NLRP7: variants seen among roughly 807,000 people sequenced by gnomAD.
NLRP7 encodes the protein NLR family pyrin domain containing 7, also known as NACHT, LRR and PYD domains-containing protein 7.
In NLRP7, 72 loss-of-function variants were observed where a neutral mutation model predicts 85.5. The ratio of observed to expected loss-of-function variants is 0.84; its 90% confidence interval spans 0.70 to 1.02. The LOEUF is 1.02. NLRP7 is among the 50% of genes least tolerant of loss of function. The pLI is 0.00. For synonymous variants in NLRP7, 550 were observed against 505.2 expected (o/e 1.09, Z -1.19); for missense variants, 1,243 against 1,219.5 (o/e 1.02, Z -0.29).
chr19:54,930,520 T>A, exon 9 of NLRP7: 1 of 1,611,272 alleles, frequency 6.2e-7, no homozygotes, highest in Non-Finnish European at 8.5e-7. Flanking sequence ...TAGGTTACAG[T>A]TTGGATTCTC....
intron 1 of NLRP7, among the ~76,000 whole-genome samples, chr19:54,957,273 G>A (rs1012677306): frequency 2.0e-5 from 3 of 151,492 alleles, no homozygotes; most frequent in Non-Finnish European, 2.9e-5. Flanking sequence ...CACCCATTTC[G>A]GTTCCCAAAG....
chr19:54,941,467 T>A, exon 2 of NLRP7: 1 of 1,612,128 alleles, frequency 6.2e-7, no homozygotes, highest in Non-Finnish European at 8.5e-7. Flanking sequence ...CTTACACAAT[T>A]CCGTGAGATT....
chr19:54,935,241 T>C (rs1169233396), intron 6 of NLRP7, among the ~76,000 whole-genome samples: 3 of 152,010 alleles, frequency 2.0e-5, no homozygotes, highest in African/African-American at 4.8e-5. Context: ...AAAAAAATTT[T>C]TTTTTTGAGA....
At chr19:54,955,021 C>G (rs2069805661) in intron 1 of NLRP7, among the ~76,000 whole-genome samples, 1 of 151,200 alleles carries the variant, frequency 6.6e-6, no homozygotes. Flanking sequence ...CTCGTCCTTA[C>G]TTGCTTTTAA....
chr19:54,929,396 G>GT (rs911864738), intron 9 of NLRP7, among the ~76,000 whole-genome samples: 39 of 103,942 alleles, frequency 3.8e-4, no homozygotes, highest in African/African-American at 1.2e-3. Flanking sequence ...GTGTTCTAGT[G>GT]TTTTTTTTCT....
chr19:54,934,744 CTG>C lies in NLRP7; in HGVS notation c.2301-87_2301-86del. 1.7e-6 allele frequency: 2 copies of C among 1,160,528 alleles called. No homozygotes were observed. The highest frequency in any genetic ancestry group is 2.4e-6 in the Non-Finnish European group (2 of 825,972). 71.9% of individuals were successfully genotyped at this position (1,160,528 alleles called of 1,614,324 possible). A position where few individuals can be genotyped will look rare whatever the true frequency, so the allele number is the denominator to read the frequency against. On this transcript the variant is annotated intron_variant, in intron 6 of 9. Coordinates refer to ENST00000340844, the Ensembl canonical transcript of NLRP7. The surrounding 1 kb of genome is among the most constrained non-coding windows in gnomAD (Gnocchi z 6.7). The stretch of plus-strand genomic sequence containing the variant: ...TTTTTTTTTGAGACAGAGTTTCACT[CTG>C]TTGCCCAGTCTGGAATGCAAAGGCG...
intron 1 of NLRP7, among the ~76,000 whole-genome samples, chr19:54,959,097 C>T (rs957108848): frequency 3.3e-5 from 5 of 151,428 alleles, no homozygotes; most frequent in Admixed American, 6.6e-5. Context: ...TGCCTGGCGC[C>T]GGGCTACCTG....
At position 54,934,709 on chromosome 19, in the gene NLRP7, C is replaced by T; in HGVS notation, c.2301-50G>A. On this transcript the variant is annotated intron_variant, in intron 6 of 9. Transcript: ENST00000340844. The surrounding 1 kb of genome is among the most constrained non-coding windows in gnomAD (Gnocchi z 6.7). ...TTCTTCTGGGAGGACAGAGTATACCCTATCAGCTTTTTTTTTTTGAGACAG... is the reference window on the plus strand; with the variant it reads ...TTCTTCTGGGAGGACAGAGTATACCTTATCAGCTTTTTTTTTTTGAGACAG... The T allele has an allele frequency of 6.8e-7, 1 of 1,471,850 alleles. No individual in the cohort carries two copies. The highest frequency in any genetic ancestry group is 2.4e-5 in the East Asian group (1 of 41,840). 91.2% of individuals were successfully genotyped at this position (1,471,850 alleles called of 1,614,324 possible). A position where few individuals can be genotyped will look rare whatever the true frequency, so the allele number is the denominator to read the frequency against.
chr19:54,964,211 G>GTT (rs747785772), intron 1 of NLRP7, among the ~76,000 whole-genome samples: 20 of 52,510 alleles, frequency 3.8e-4, no homozygotes, highest in African/African-American at 1.2e-3. Context: ...TTTATATGGT[G>GTT]TTTTTTTTTT....
chr19:54,955,378 G>A (rs557825906), intron 1 of NLRP7, among the ~76,000 whole-genome samples: 4 of 152,244 alleles, frequency 2.6e-5, no homozygotes, highest in Non-Finnish European at 4.4e-5. Flanking sequence ...TTTAGGAAGA[G>A]CAGCCTTGGG....
chr19:54,939,938 C>T lies in NLRP7; in HGVS notation c.881G>A (p.Arg294Lys), dbSNP rs1467856979. The T allele has an allele frequency of 1.2e-6, 2 of 1,614,020 alleles. No individual in the cohort carries two copies. The highest frequency in any genetic ancestry group is 1.7e-5 in the Admixed American group (1 of 59,972). Residue 294 changes from arginine (R) to lysine (K), a missense_variant, in exon 4 of 10, where the codon AGG becomes AAG. By Grantham distance (26) the Arg-to-Lys change is conservative. Around this residue, in one of 3 missense-constraint regions of NLRP7, gnomAD observed 591 missense variants for 563.3 expected, o/e 1.05. Coordinates refer to ENST00000340844, the Ensembl canonical transcript of NLRP7. ...CCGCGTGGTGACCAGCAAGGCTGCC[C>T]TGGGTAACATCTTCCTCTTCAGCAA...
chr19:54,924,388 C>A (rs2146132631), intron 9 of NLRP7, among the ~76,000 whole-genome samples: 1 of 152,312 alleles, frequency 6.6e-6, no homozygotes, highest in South Asian at 2.1e-4. Context: ...TTTGGGAGGC[C>A]AAGGCAGGCA....
chr19:54,952,078 G>A (rs978663860), upstream of NLRP7, among the ~76,000 whole-genome samples: 6 of 152,094 alleles, frequency 3.9e-5, no homozygotes, highest in Non-Finnish European at 7.4e-5. Context: ...TATCTGCACG[G>A]TTCCTACAGA....
chr19:54,925,938 T>G (rs2068414052), intron 9 of NLRP7, among the ~76,000 whole-genome samples: 1 of 150,702 alleles, frequency 6.6e-6, no homozygotes, highest in African/African-American at 2.4e-5. Context: ...AGGTGGAGCT[T>G]GCAGTGAGCC....
chr19:54,947,747 G>T, upstream of NLRP7: 1 of 925,312 alleles, frequency 1.1e-6, no homozygotes, highest in Non-Finnish European at 1.5e-6. Context: ...AGATTAATGT[G>T]CAATTCCCTT....
exon 10 of NLRP7, chr19:54,923,723 G>C (rs2068314600): frequency 6.2e-7 from 1 of 1,612,308 alleles, no homozygotes; most frequent in African/African-American, 1.3e-5. Context: ...GTAATTCGTA[G>C]AGCGATCCCA....
At chr19:54,960,589 A>G (rs1568439352) in intron 1 of NLRP7, among the ~76,000 whole-genome samples, 1 of 150,648 alleles carries the variant, frequency 6.6e-6, no homozygotes, top group Non-Finnish European at 1.5e-5. Context: ...AGATAGTTTT[A>G]TTTTTATTTT....
upstream of NLRP7, among the ~76,000 whole-genome samples, chr19:54,950,059 G>C (rs138126940): frequency 6.6e-6 from 1 of 151,318 alleles, no homozygotes; most frequent in Non-Finnish European, 1.5e-5. Context: ...CTGAGATAGC[G>C]CCACTGCACT....
At position 54,934,412 on chromosome 19, in the gene NLRP7, A is replaced by G; in HGVS notation, c.2471+77T>C. 2 of 1,468,890 alleles carry G rather than the reference A, an allele frequency of 1.4e-6. No individual in the cohort carries two copies. The highest frequency in any genetic ancestry group is 1.7e-5 in the Admixed American group (1 of 59,814). The allele number at this position is 1,468,890 out of a possible 1,614,324, so 91.0% of individuals were successfully genotyped here. A position where few individuals can be genotyped will look rare whatever the true frequency, so the allele number is the denominator to read the frequency against. On this transcript the variant is annotated intron_variant, in intron 7 of 9. Transcript: ENST00000340844. The surrounding 1 kb of genome is among the most constrained non-coding windows in gnomAD (Gnocchi z 6.7). ...GCAAGAGGCGCCACGTGGGTGGCGC[A>G]GTAAGTCAGGTGTTACCCTTTCTCT...
Sources: gnomAD v4.1 joint callset for allele counts (sites outside exome capture counted in the v4.1 genomes callset) on GRCh38, gnomAD v4.1.1 for gene constraint, gnomAD v4.1.1 regional missense constraint, Gnocchi (gnomAD v3.1) non-coding constraint, MANE v1.5 for transcripts, NCBI Gene and HGNC (gene_info 2026-07-23, HGNC 2026-07-21) for gene names.